Variants in AGMO observed in about 807,000 individuals in gnomAD.
AGMO encodes alkylglycerol monooxygenase.
A neutral mutation model predicts 60.2 loss-of-function variants in AGMO; 75 were observed. That is an observed-to-expected ratio of 1.25 (90% CI 1.03 to 1.51). The LOEUF (loss-of-function observed/expected upper bound fraction) is 1.51, where lower values mean the gene tolerates loss of function less well. AGMO is among the 40% of genes most tolerant of loss of function. The probability of loss-of-function intolerance (pLI) is 0.00; values close to 1 mark genes in which losing one functional copy is unlikely to be tolerated. For synonymous variants in AGMO, 261 were observed against 177.1 expected, an observed-to-expected ratio of 1.47 and a Z score of -3.76; for missense variants, 763 against 525.5, an observed-to-expected ratio of 1.45 and a Z score of -4.42.
At chr7:15,222,823 C>G (rs372745168) in intron 12 of AGMO, among the ~76,000 whole-genome samples, 1 of 151,932 alleles carries the variant, frequency 6.6e-6, no homozygotes, top group Non-Finnish European at 1.5e-5. Flanking sequence ...GAAATTTACC[C>G]CATATACTTT....
chr7:15,323,034 G>T (rs555557847), intron 12 of AGMO, among the ~76,000 whole-genome samples: 33 of 149,254 alleles, frequency 2.2e-4, no homozygotes, highest in Admixed American at 1.5e-3. Flanking sequence ...AGGTCGTTAT[G>T]TACACAACTG....
chr7:15,165,073 G>A, the AGMO span, among the ~76,000 whole-genome samples: 1 of 152,126 alleles, frequency 6.6e-6, no homozygotes, highest in East Asian at 1.9e-4. Flanking sequence ...AATAAATCAT[G>A]TCTTTCTCAG....
chr7:15,348,362 T>C (rs181995640), intron 12 of AGMO, among the ~76,000 whole-genome samples: 6 of 152,118 alleles, frequency 3.9e-5, no homozygotes, highest in East Asian at 1.9e-4. Context: ...TGAAATTGCA[T>C]TGAATGATCG....
At chr7:15,399,958 A>G (rs190544537) in intron 5 of AGMO, among the ~76,000 whole-genome samples, 48 of 152,204 alleles carry the variant, frequency 3.2e-4, no homozygotes, top group African/African-American at 8.9e-4. Flanking sequence ...TTCGAGACCA[A>G]TTCTCCAAGC....
chr7:15,360,507 T>A (rs1291159557), intron 12 of AGMO, among the ~76,000 whole-genome samples: 2 of 152,158 alleles, frequency 1.3e-5, no homozygotes, highest in Non-Finnish European at 2.9e-5. Context: ...AAGAAAATGT[T>A]AAGAAAATAA....
At chr7:15,291,149 C>T (rs1214968138) in intron 12 of AGMO, among the ~76,000 whole-genome samples, 1 of 152,046 alleles carries the variant, frequency 6.6e-6, no homozygotes, top group Non-Finnish European at 1.5e-5. Flanking sequence ...AGATGGTGCA[C>T]ATTACGTTTC....
At chr7:15,406,990 G>GTA (rs374130631) in intron 5 of AGMO, among the ~76,000 whole-genome samples, 16 of 140,314 alleles carry the variant, frequency 1.1e-4, no homozygotes, top group Middle Eastern at 4.1e-3. Context: ...ACATGTGTGT[G>GTA]TATATATATG....
In AGMO at chr7:15,232,828, A is replaced by ACACACACACACACAC. The variant is rs1385058870; in HGVS notation, c.1264-31470_1264-31469insGTGTGTGTGTGTGTG. Among the ~76,000 whole-genome samples the ACACACACACACACAC allele has an allele frequency of 2.1e-4, 20 of 93,898 alleles. No homozygotes were observed. The East Asian group carries it at 2.2e-3, about 10-fold the overall frequency. 61.6% of individuals were successfully genotyped at this position (93,898 alleles called of 152,430 possible). A position where few individuals can be genotyped will look rare whatever the true frequency, so the allele number is the denominator to read the frequency against. On this transcript the variant is annotated intron_variant, in intron 12 of 12. Transcript: ENST00000342526. Reference sequence around the variant, plus strand: ...ACACACACACACACACACACACACAAAAACTAAAGAAAAAACTCCATCTGG... The same window carrying ACACACACACACACAC: ...ACACACACACACACACACACACACAACACACACACACACACAAACTAAAGAAAAAACTCCATCTGG...
At chr7:15,536,584 T>A (rs1437742661) in intron 3 of AGMO, among the ~76,000 whole-genome samples, 2 of 151,876 alleles carry the variant, frequency 1.3e-5, no homozygotes, top group Non-Finnish European at 2.9e-5. Context: ...CACAATAGAA[T>A]AAACAATCAG....
Position 15,385,629 on chromosome 7 carries a change from AAG to A in AGMO, c.958-69_958-68del, listed in dbSNP as rs1489927597. Reference sequence around the variant, plus strand: ...CATTTTTCTTACTGAAATTCACACTAAGAGATATTTGAAAAAAGTATCTGCTA... The same window carrying A: ...CATTTTTCTTACTGAAATTCACACTAAGATATTTGAAAAAAGTATCTGCTA... On this transcript the variant is annotated intron_variant, in intron 9 of 12. Transcript: ENST00000342526. 3.4e-6 allele frequency: 3 copies of A among 889,556 alleles called. No individual in the cohort carries two copies. The African/African-American group carries it at 5.2e-5, about 15-fold the overall frequency. 55.1% of individuals were successfully genotyped at this position (889,556 alleles called of 1,614,324 possible). A position where few individuals can be genotyped will look rare whatever the true frequency, so the allele number is the denominator to read the frequency against.
At chr7:15,547,855 T>G (rs1784831838) in intron 2 of AGMO, among the ~76,000 whole-genome samples, 2 of 152,074 alleles carry the variant, frequency 1.3e-5, no homozygotes, top group East Asian at 3.9e-4. Flanking sequence ...GCTCCACCTC[T>G]GGGGGCAGGG....
At chr7:15,149,547 C>T in the AGMO span, among the ~76,000 whole-genome samples, 4,880 of 152,124 alleles carry the variant, frequency 0.032, 103 homozygotes, top group Non-Finnish European at 0.044. Context: ...CTAGTTATCA[C>T]GTACCGTTTA....
chr7:15,424,364 G>A (rs1383313690), intron 4 of AGMO, among the ~76,000 whole-genome samples: 1 of 152,054 alleles, frequency 6.6e-6, no homozygotes, highest in Non-Finnish European at 1.5e-5. Context: ...TAAGAACAAT[G>A]ACACATAAAG....
intron 12 of AGMO, among the ~76,000 whole-genome samples, chr7:15,338,898 T>A (rs1317938421): frequency 6.6e-6 from 1 of 152,204 alleles, no homozygotes; most frequent in Non-Finnish European, 1.5e-5. Flanking sequence ...ATTTACACCT[T>A]AAACAATGTG....
At chr7:15,489,647 T>C (rs2128520394) in intron 3 of AGMO, among the ~76,000 whole-genome samples, 1 of 152,296 alleles carries the variant, frequency 6.6e-6, no homozygotes, top group South Asian at 2.1e-4. Context: ...CATCAACACT[T>C]TGTGTTTATC....
chr7:15,412,109 C>T (rs1780629861), intron 5 of AGMO, among the ~76,000 whole-genome samples: 1 of 152,062 alleles, frequency 6.6e-6, no homozygotes, highest in African/African-American at 2.4e-5. Flanking sequence ...AAAACTTCTG[C>T]TTTCTATTAT....
chr7:15,210,375 T>C (rs1400965232), intron 12 of AGMO, among the ~76,000 whole-genome samples: 1 of 152,178 alleles, frequency 6.6e-6, no homozygotes, highest in Non-Finnish European at 1.5e-5. Flanking sequence ...CCTCTGCTAA[T>C]ATTAATCTGG....
chr7:15,143,413 C>T, the AGMO span, among the ~76,000 whole-genome samples: 1 of 152,136 alleles, frequency 6.6e-6, no homozygotes, highest in African/African-American at 2.4e-5. Flanking sequence ...GATTTCTTAC[C>T]TATCCCTTCT....
At chr7:15,532,598 A>G (rs563962869) in intron 3 of AGMO, among the ~76,000 whole-genome samples, 1 of 152,208 alleles carries the variant, frequency 6.6e-6, no homozygotes, top group Non-Finnish European at 1.5e-5. Flanking sequence ...ACTGACACAC[A>G]TATTTTGTTT....
Sources: gnomAD v4.1 joint callset for allele counts (sites outside exome capture counted in the v4.1 genomes callset) on GRCh38, gnomAD v4.1.1 for gene constraint, MANE v1.5 for transcripts, NCBI Gene and HGNC (gene_info 2026-07-23, HGNC 2026-07-21) for gene names.